The following MAP1B variants were observed in gnomAD, a reference collection of about 807,000 sequenced individuals.
MAP1B encodes the protein microtubule associated protein 1B, also known as microtubule-associated protein 1B.
MAP1B carries 12 observed loss-of-function variants against 176.1 expected under a neutral mutation model. The ratio of observed to expected loss-of-function variants is 0.07; its 90% CI spans 0.04 to 0.11. The LOEUF (loss-of-function observed/expected upper bound fraction) is 0.11, where lower values mean the gene tolerates loss of function less well. Among genes scored for constraint, MAP1B ranks in the 10% least tolerant of loss-of-function variants. The pLI is 1.00. For missense variants in MAP1B, 2,523 were observed against 2,990.5 expected (o/e 0.84, Z 3.65); for synonymous variants, 1,044 against 1,135.0 (o/e 0.92, Z 1.61).
intron 2 of MAP1B, among the ~76,000 whole-genome samples, chr5:72,167,440 T>C (rs114522472): frequency 0.018 from 2,725 of 152,278 alleles, 86 homozygotes; most frequent in African/African-American, 0.062. Context: ...AACAAGACAC[T>C]TCTCAGTTGA....
chr5:72,145,295 G>A (rs1746024625), intron 2 of MAP1B, among the ~76,000 whole-genome samples: 1 of 151,640 alleles, frequency 6.6e-6, no homozygotes, highest in South Asian at 2.1e-4. Context: ...AAGAAAATAC[G>A]AAACCTCAGA....
At chr5:72,145,235 C>G in intron 2 of MAP1B, among the ~76,000 whole-genome samples, 1 of 152,146 alleles carries the variant, frequency 6.6e-6, no homozygotes, top group Non-Finnish European at 1.5e-5. Flanking sequence ...TAGAAAGATA[C>G]TATTGGGAAT....
At chr5:72,182,925 C>T (rs991661716) in intron 2 of MAP1B, among the ~76,000 whole-genome samples, 1 of 152,278 alleles carries the variant, frequency 6.6e-6, no homozygotes, top group African/African-American at 2.4e-5. Context: ...GAGGGGGAGT[C>T]TTCATAGAAG....
rs1172597346 is a variant in MAP1B at position 72,197,568 on chromosome 5, G to A, written c.4213G>A (p.Gly1405Arg). The A allele has an allele frequency of 1.2e-6, 2 of 1,614,146 alleles. No homozygotes were observed. The highest frequency in any genetic ancestry group is 1.7e-5 in the Admixed American group (1 of 60,016). Reference protein sequence around the residue: ...LSPLRSPPLIGSESAYESFLS... With the variant: ...LSPLRSPPLIRSESAYESFLS... ...TCCTTTACGCAGCCCGCCCCTCATT[G>A]GATCCGAGTCTGCTTATGAAAGTTT... The change falls in exon 5 of 7, where the codon GGA becomes AGA. Residue 1405 changes from glycine (G) to arginine (R), a missense_variant. Around this residue, in one of 4 missense-constraint regions of MAP1B, gnomAD observed 1,925 missense variants for 2,126.0 expected, o/e 0.91. Transcript: ENST00000296755.
intron 3 of MAP1B, among the ~76,000 whole-genome samples, chr5:72,185,468 G>A (rs1746876236): frequency 6.6e-6 from 1 of 152,132 alleles, no homozygotes; most frequent in African/African-American, 2.4e-5. Context: ...GGTGTTGCAT[G>A]CCTGTGGTCC....
chr5:72,108,828 G>C lies in MAP1B; in HGVS notation c.184+1113G>C, dbSNP rs561419932. On this transcript the variant is annotated intron_variant, in intron 1 of 6. Transcript: ENST00000296755. ...GGGAGTCCCTGGGTGGGCAGCTCTG[G>C]TCTCTGCCTTTCCCTTTATCCCTGG... is the stretch of plus-strand genomic sequence containing the variant. Among the ~76,000 whole-genome samples, 5 of 152,322 alleles carry C rather than the reference G, an allele frequency of 3.3e-5. 1 individual carries two copies. The highest frequency in any genetic ancestry group is 1.2e-4 in the African/African-American group (5 of 41,576).
chr5:72,185,841 A>T (rs1746885946), intron 3 of MAP1B, among the ~76,000 whole-genome samples: 1 of 152,172 alleles, frequency 6.6e-6, no homozygotes, highest in South Asian at 2.1e-4. Context: ...AGTGCCTAAC[A>T]TGATGCCTGG....
chr5:72,113,040 A>G (rs2337390), intron 1 of MAP1B, among the ~76,000 whole-genome samples: 114,116 of 152,126 alleles, frequency 0.75, 42,956 homozygotes, highest in African/African-American at 0.82. Context: ...TAGAGGGCTC[A>G]CTGTTGGCTC....
chr5:72,189,845 G>A (rs1442632496), intron 4 of MAP1B, among the ~76,000 whole-genome samples: 3 of 152,172 alleles, frequency 2.0e-5, no homozygotes, highest in African/African-American at 7.2e-5. Context: ...CAGAGCTCAG[G>A]GAACTCAGAG....
At chr5:72,174,126 C>T (rs181715242) in intron 2 of MAP1B, among the ~76,000 whole-genome samples, 5 of 152,224 alleles carry the variant, frequency 3.3e-5, no homozygotes, top group African/African-American at 1.2e-4. Flanking sequence ...CGAGAAACCT[C>T]GTCTCAAAAT....
At chr5:72,167,048 C>T (rs565570397) in intron 2 of MAP1B, among the ~76,000 whole-genome samples, 25 of 147,900 alleles carry the variant, frequency 1.7e-4, no homozygotes, top group African/African-American at 5.5e-4. Flanking sequence ...GGAAATGGCT[C>T]GGTGAGAAAG....
chr5:72,185,724 C>G, intron 3 of MAP1B, among the ~76,000 whole-genome samples: 1 of 152,026 alleles, frequency 6.6e-6, no homozygotes, highest in East Asian at 1.9e-4. Context: ...GCCTGTGGAG[C>G]AGATGGGGCT....
At chr5:72,179,664 C>T (rs1580010191) in intron 2 of MAP1B, 4 of 985,386 alleles carry the variant, frequency 4.1e-6, no homozygotes, top group Non-Finnish European at 4.8e-6. Flanking sequence ...TTACGTCGTC[C>T]CCAGAAAGAA....
intron 2 of MAP1B, among the ~76,000 whole-genome samples, chr5:72,150,094 G>T (rs1327482793): frequency 2.0e-5 from 3 of 152,080 alleles, no homozygotes; most frequent in African/African-American, 7.2e-5. Flanking sequence ...TTTTGAAATT[G>T]GGCTGATATT....
At chr5:72,166,742 C>T (rs1327701269) in intron 2 of MAP1B, among the ~76,000 whole-genome samples, 1 of 152,314 alleles carries the variant, frequency 6.6e-6, no homozygotes, top group South Asian at 2.1e-4. Flanking sequence ...CCCCAGGCAG[C>T]AGTAGCTGGC....
chr5:72,110,755 G>A (rs1301072155), intron 1 of MAP1B, among the ~76,000 whole-genome samples: 1 of 152,202 alleles, frequency 6.6e-6, no homozygotes, highest in African/African-American at 2.4e-5. Context: ...TGGGTTTGGA[G>A]ACCCTGGCGA....
At chr5:72,200,431 T>C in intron 5 of MAP1B, 64 bp downstream of exon 5, 3 of 1,549,780 alleles carry the variant, frequency 1.9e-6, no homozygotes, top group Non-Finnish European at 2.6e-6. Context: ...TTACAGCCTT[T>C]ATATTTCCCT....
Position 72,203,760 on chromosome 5 carries a change from G to T in MAP1B, c.7210G>T (p.Ala2404Ser), listed in dbSNP as rs1445784228. ...AEEPSRAVLD[A>S]LLEGKAQWGS... is the part of the protein sequence containing the mutation. Reference sequence around the variant, plus strand: ...GGAGCCCAGCCGGGCTGTCCTGGACGCTTTGTTGGAAGGAAAGGCTCAGTG... The same window carrying T: ...GGAGCCCAGCCGGGCTGTCCTGGACTCTTTGTTGGAAGGAAAGGCTCAGTG... Residue 2404 changes from alanine to serine, a missense_variant, in exon 6 of 7, where the codon GCT becomes TCT. Coordinates refer to ENST00000296755, the MANE Select transcript of MAP1B (RefSeq NM_005909.5). 4.3e-6 allele frequency: 7 copies of T among 1,613,012 alleles called. No homozygotes were observed. The highest frequency in any genetic ancestry group is 3.4e-6 in the Non-Finnish European group (4 of 1,180,020).
At chr5:72,161,260 T>C (rs930035049) in intron 2 of MAP1B, among the ~76,000 whole-genome samples, 2 of 152,186 alleles carry the variant, frequency 1.3e-5, no homozygotes, top group Non-Finnish European at 2.9e-5. Flanking sequence ...TCACTTAATC[T>C]CTCTATACCC....
Sources: gnomAD v4.1 joint callset for allele counts (sites outside exome capture counted in the v4.1 genomes callset) on GRCh38, gnomAD v4.1.1 for gene constraint, gnomAD v4.1.1 regional missense constraint, MANE v1.5 for transcripts, NCBI Gene and HGNC (gene_info 2026-07-23, HGNC 2026-07-21) for gene names.